Variants in UNC5C observed in about 807,000 individuals in gnomAD.
The protein encoded by UNC5C is unc-5 netrin receptor C.
Under a neutral mutation model 99.8 loss-of-function variants are expected in UNC5C, and 47 were observed. The observed-to-expected ratio is 0.47, with a 90% CI of 0.37 to 0.60. UNC5C has a LOEUF of 0.60. Ranked by LOEUF, UNC5C falls within the 20% of genes least tolerant of loss-of-function variation. The probability of loss-of-function intolerance (pLI) is 0.00; values close to 1 mark genes in which losing one functional copy is unlikely to be tolerated. For missense variants in UNC5C, 1,062 were observed against 1,165.9 expected (o/e 0.91, Z 1.30); for synonymous variants, 487 against 452.2 (o/e 1.08, Z -0.98).
intron 7 of UNC5C, among the ~76,000 whole-genome samples, chr4:95,240,726 G>T (rs998108385): frequency 5.3e-5 from 8 of 152,088 alleles, no homozygotes; most frequent in African/African-American, 1.9e-4. Context: ...ATCATTACTG[G>T]CAAATATCCA....
chr4:95,341,166 T>A (rs1048706246), intron 1 of UNC5C, among the ~76,000 whole-genome samples: 13 of 152,076 alleles, frequency 8.5e-5, no homozygotes, highest in African/African-American at 3.1e-4. Flanking sequence ...CAGAATGACA[T>A]GAAAGTGTAA....
chr4:95,259,112 G>A (rs1453325178), intron 4 of UNC5C, among the ~76,000 whole-genome samples: 1 of 152,062 alleles, frequency 6.6e-6, no homozygotes, highest in Non-Finnish European at 1.5e-5. Flanking sequence ...TAAGAGGGCT[G>A]CTTTCAACTG....
intron 12 of UNC5C, among the ~76,000 whole-genome samples, chr4:95,199,466 C>T (rs938505499): frequency 1.3e-5 from 2 of 152,196 alleles, no homozygotes; most frequent in Middle Eastern, 3.4e-3. Flanking sequence ...GTGCTAGATC[C>T]CCAGATGCTG....
At chr4:95,315,534 T>G (rs940941427) in intron 2 of UNC5C, among the ~76,000 whole-genome samples, 1 of 152,228 alleles carries the variant, frequency 6.6e-6, no homozygotes, top group African/African-American at 2.4e-5. Context: ...CAATCATGTC[T>G]ATTCATATCT....
rs756078264 is a variant in UNC5C, at chr4:95,206,737, C to T, written c.1793G>A (p.Gly598Glu). Residue 598 changes from glycine (G) to glutamate (E), a missense_variant, in exon 11 of 16, where the codon GGA (glycine) becomes GAA (glutamate). Gly to Glu is a moderately conservative substitution (Grantham distance 98). Around this residue, in one of 3 missense-constraint regions of UNC5C, gnomAD observed 810 missense variants for 854.5 expected, o/e 0.95. Transcript: ENST00000453304. ...GACGACTGGGCGGGTGAGCAGAGCT[C>T]CTGGGGGCCCACAGCTCACCACAGG... Reference protein sequence around the residue: ...LTPVVSCGPPGALLTRPVVLT... With the variant: ...LTPVVSCGPPEALLTRPVVLT... 1 of 1,613,752 alleles carries T rather than the reference C, an allele frequency of 6.2e-7. No individual in the cohort carries two copies. The highest frequency in any genetic ancestry group is 1.1e-5 in the South Asian group (1 of 91,036).
At chr4:95,503,829 C>T (rs1055323359) in intron 1 of UNC5C, among the ~76,000 whole-genome samples, 2 of 152,020 alleles carry the variant, frequency 1.3e-5, no homozygotes, top group Non-Finnish European at 2.9e-5. Context: ...CAGTTAAGAC[C>T]GCTTCCATCT....
At chr4:95,224,047 C>G (rs1038078528) in intron 7 of UNC5C, among the ~76,000 whole-genome samples, 1 of 152,146 alleles carries the variant, frequency 6.6e-6, no homozygotes, top group South Asian at 2.1e-4. Flanking sequence ...CTTTAAGATG[C>G]TGAGGCAGGT....
chr4:95,274,069 A>G (rs1162683896), intron 4 of UNC5C, among the ~76,000 whole-genome samples: 6 of 152,210 alleles, frequency 3.9e-5, no homozygotes, highest in Non-Finnish European at 8.8e-5. Flanking sequence ...AACATGAACA[A>G]AAAACTTTTT....
chr4:95,536,385 A>AT lies in UNC5C; in HGVS notation c.124+12348dup, dbSNP rs558327982. Among the ~76,000 whole-genome samples the AT allele has an allele frequency of 5.0e-3, 761 of 151,160 alleles. 5 individuals are homozygous for AT. Among genetic ancestry groups the AT allele is most frequent in the African/African-American group, 0.015 (600 of 41,318 alleles). Reference sequence around the variant, plus strand: ...GCCATTGCGCCCAGCCACTCAATATATTTTTTTTTAGTGTCATTCATACAG... The same window carrying AT: ...GCCATTGCGCCCAGCCACTCAATATATTTTTTTTTTAGTGTCATTCATACAG... On this transcript the variant is annotated intron_variant, in intron 1 of 15. Transcript: ENST00000453304.
rs141868880 is a variant in UNC5C at position 95,250,573 on chromosome 4, C to T, written c.689G>A (p.Arg230Gln). 1.3e-5 allele frequency: 21 copies of T among 1,613,820 alleles called. No homozygotes were observed. The highest frequency in any genetic ancestry group is 1.1e-4 in the East Asian group (5 of 44,868). ...IDHNLIIKQA[R>Q]LSDTANYTCV... ...GGTGTAATTTGCAGTATCAGAGAGT[C>T]GGGCCTGCTTTATGATGAGGTTGTG... The change falls in exon 5 of 16, where the codon CGA becomes CAA. Residue 230 changes from arginine (R) to glutamine (Q), a missense_variant. Around this residue, in one of 3 missense-constraint regions of UNC5C, gnomAD observed 249 missense variants for 295.1 expected, o/e 0.84. Coordinates refer to ENST00000453304, the MANE Select transcript of UNC5C (RefSeq NM_003728.4).
At chr4:95,453,417 C>G (rs1448681078) in intron 1 of UNC5C, among the ~76,000 whole-genome samples, 1 of 151,070 alleles carries the variant, frequency 6.6e-6, no homozygotes, top group African/African-American at 2.4e-5. Context: ...GGAGCCAATT[C>G]CATAGTCTTC....
At position 95,344,199 on chromosome 4, in the gene UNC5C, G is replaced by A. The variant is rs60882339; in HGVS notation, c.125-8568C>T. On this transcript the variant is annotated intron_variant, in intron 1 of 15. Coordinates refer to ENST00000453304, the MANE Select transcript of UNC5C (RefSeq NM_003728.4). Reference sequence around the variant, plus strand: ...AAAAAAAGGATCCTAAACGCAGCAAGAGAAAAAAACAACATAAAATGGAGC... The same window carrying A: ...AAAAAAAGGATCCTAAACGCAGCAAAAGAAAAAAACAACATAAAATGGAGC... Among the ~76,000 whole-genome samples the A allele has an allele frequency of 2.6e-4, 40 of 151,798 alleles. 1 individual carries two copies. The East Asian group carries it at 7.0e-3, about 27-fold the overall frequency.
intron 1 of UNC5C, among the ~76,000 whole-genome samples, chr4:95,342,512 T>C (rs1260231363): frequency 6.6e-6 from 1 of 151,894 alleles, no homozygotes; most frequent in African/African-American, 2.4e-5. Context: ...AGCAGCAATA[T>C]CCAGGCGGTA....
intron 12 of UNC5C, among the ~76,000 whole-genome samples, chr4:95,191,185 C>T (rs1048173919): frequency 1.3e-5 from 2 of 152,138 alleles, no homozygotes; most frequent in African/African-American, 2.4e-5. Flanking sequence ...TGTCCAGCCC[C>T]CGAGTTTCCC....
chr4:95,327,962 T>C (rs543405212), intron 2 of UNC5C, among the ~76,000 whole-genome samples: 1 of 150,270 alleles, frequency 6.7e-6, no homozygotes, highest in Non-Finnish European at 1.5e-5. Flanking sequence ...ATTTAAGCCA[T>C]CCGTGGAGGC....
In UNC5C at chr4:95,174,027, A is replaced by G. The variant is rs373136410; in HGVS notation, c.2452-3695T>C. On this transcript the variant is annotated intron_variant, in intron 14 of 15. Transcript: ENST00000453304. ...CTTCTAGATTTTCTAGTTTATTTGC[A>G]TAGAGGTGTTTGTAGTATTCTCTGC... 2.4e-3 allele frequency among the ~76,000 whole-genome samples: 359 copies of G among 152,120 alleles called. 2 individuals carry two copies. The highest frequency in any genetic ancestry group is 7.5e-3 in the African/African-American group (313 of 41,490).
At chr4:95,386,858 G>T (rs1358403587) in intron 1 of UNC5C, among the ~76,000 whole-genome samples, 2 of 152,016 alleles carry the variant, frequency 1.3e-5, no homozygotes, top group African/African-American at 4.8e-5. Flanking sequence ...TCTCCATGAA[G>T]ATCTTTTTGT....
intron 1 of UNC5C, among the ~76,000 whole-genome samples, chr4:95,476,494 T>C (rs1048630908): frequency 1.3e-5 from 2 of 152,082 alleles, no homozygotes; most frequent in African/African-American, 4.8e-5. Context: ...AAATAAAATA[T>C]AACTTTTTAG....
chr4:95,408,754 A>G (rs1745895472), intron 1 of UNC5C, among the ~76,000 whole-genome samples: 1 of 152,238 alleles, frequency 6.6e-6, no homozygotes, highest in African/African-American at 2.4e-5. Flanking sequence ...AGCAGAAAAT[A>G]TATACAAGAG....
Sources: allele counts gnomAD v4.1 joint callset (sites outside exome capture counted in the v4.1 genomes callset), GRCh38; gene constraint gnomAD v4.1.1; regional missense constraint gnomAD v4.1.1; transcripts MANE v1.5; gene names NCBI Gene and HGNC (gene_info 2026-07-23, HGNC 2026-07-21).